Variants in LRRC4C observed in about 807,000 individuals in gnomAD.
The protein encoded by LRRC4C is leucine-rich repeat-containing protein 4C.
LRRC4C carries 5 observed loss-of-function variants against 33.6 expected under a neutral mutation model. The ratio of observed to expected loss-of-function variants is 0.15; its 90% CI spans 0.08 to 0.31. LRRC4C has a LOEUF of 0.31. Ranked by LOEUF, LRRC4C falls within the 10% of genes least tolerant of loss-of-function variation. The pLI is 1.00. For synonymous variants in LRRC4C, 329 were observed against 302.0 expected (o/e 1.09, Z -0.93); for missense variants, 560 against 796.7 (o/e 0.70, Z 3.58).
intron 1 of LRRC4C, among the ~76,000 whole-genome samples, chr11:41,075,046 G>A (rs1231329384): frequency 1.9e-5 from 1 of 52,706 alleles, no homozygotes. Context: ...TATTTTTAAT[G>A]TTTTTTTTTT....
intron 3 of LRRC4C, among the ~76,000 whole-genome samples, chr11:40,320,231 C>T (rs1482900784): frequency 2.6e-5 from 4 of 152,094 alleles, no homozygotes; most frequent in Non-Finnish European, 2.9e-5. Flanking sequence ...AATGGCCGGG[C>T]GCGGTGGCTC....
At chr11:40,768,249 C>A (rs1019418626) in intron 2 of LRRC4C, among the ~76,000 whole-genome samples, 1 of 151,902 alleles carries the variant, frequency 6.6e-6, no homozygotes, top group Non-Finnish European at 1.5e-5. Flanking sequence ...CCCATACAAC[C>A]TACCAAGAGA....
chr11:40,873,911 T>C (rs1313312590), intron 2 of LRRC4C, among the ~76,000 whole-genome samples: 1 of 152,318 alleles, frequency 6.6e-6, no homozygotes, highest in Non-Finnish European at 1.5e-5. Context: ...CATCATTGAA[T>C]AGGATATTTG....
At chr11:40,845,882 A>G (rs1023822579) in intron 2 of LRRC4C, among the ~76,000 whole-genome samples, 2 of 152,168 alleles carry the variant, frequency 1.3e-5, no homozygotes, top group Non-Finnish European at 2.9e-5. Flanking sequence ...TCTAACTGGC[A>G]TGAGATGGTA....
At chr11:41,118,717 T>C (rs888689200) in intron 1 of LRRC4C, among the ~76,000 whole-genome samples, 1 of 152,172 alleles carries the variant, frequency 6.6e-6, no homozygotes, top group Non-Finnish European at 1.5e-5. Context: ...CTTCCTTTTG[T>C]TATGGCAAGA....
intron 5 of LRRC4C, among the ~76,000 whole-genome samples, chr11:40,171,315 G>A (rs563890562): frequency 2.0e-5 from 3 of 152,124 alleles, no homozygotes; most frequent in East Asian, 1.9e-4. Context: ...ATAAAATCAC[G>A]CTTCAGCATT....
intron 3 of LRRC4C, among the ~76,000 whole-genome samples, chr11:40,452,508 G>A (rs1374783005): frequency 2.6e-5 from 4 of 152,126 alleles, no homozygotes; most frequent in Non-Finnish European, 4.4e-5. Flanking sequence ...TTAGAATGGT[G>A]ATCATTAAAA....
At chr11:41,320,986 T>C (rs747307513) in intron 1 of LRRC4C, among the ~76,000 whole-genome samples, 2 of 152,190 alleles carry the variant, frequency 1.3e-5, no homozygotes, top group Non-Finnish European at 2.9e-5. Context: ...TGGGTCTTTT[T>C]ACAATATTGC....
intron 2 of LRRC4C, among the ~76,000 whole-genome samples, chr11:40,665,029 G>T (rs1464307247): frequency 6.6e-6 from 1 of 150,442 alleles, no homozygotes; most frequent in African/African-American, 2.5e-5. Context: ...GCGGTGTTTG[G>T]TTTTTTGTCC....
rs149930901 is a variant in LRRC4C at position 41,265,156 on chromosome 11, G to A, written c.-496+194275C>T. 3.3e-5 allele frequency among the ~76,000 whole-genome samples: 5 copies of A among 152,180 alleles called. No homozygotes were observed. In the East Asian group the frequency reaches 9.7e-4, roughly 29 times the overall value. On this transcript the variant is annotated intron_variant, in intron 1 of 6. Coordinates refer to ENST00000528697, the MANE Select transcript of LRRC4C (RefSeq NM_001258419.2). ...ACACCTTAAAGTAGGAATGAACATG[G>A]CATTATTTTAATGGCTAGCATGTTA...
intron 5 of LRRC4C, among the ~76,000 whole-genome samples, chr11:40,233,644 A>G (rs1865357958): frequency 6.6e-6 from 1 of 152,212 alleles, no homozygotes; most frequent in South Asian, 2.1e-4. Context: ...AGCTTCCTAT[A>G]TCATAGTCTA....
chr11:40,220,397 C>T (rs1475716041), intron 5 of LRRC4C, among the ~76,000 whole-genome samples: 1 of 152,116 alleles, frequency 6.6e-6, no homozygotes, highest in East Asian at 1.9e-4. Flanking sequence ...GGCCATCAGT[C>T]AATCTATTTG....
At chr11:40,396,231 T>C (rs1949535547) in intron 3 of LRRC4C, among the ~76,000 whole-genome samples, 1 of 152,070 alleles carries the variant, frequency 6.6e-6, no homozygotes, top group African/African-American at 2.4e-5. Context: ...TTTCTGTTTT[T>C]TATTATTTTT....
intron 1 of LRRC4C, among the ~76,000 whole-genome samples, chr11:40,983,739 A>T (rs748366216): frequency 1.3e-5 from 2 of 152,242 alleles, no homozygotes; most frequent in Non-Finnish European, 2.9e-5. Flanking sequence ...AGTGTATGAA[A>T]AAAAGCCCAA....
chr11:40,765,933 A>C (rs1949428427), intron 2 of LRRC4C, among the ~76,000 whole-genome samples: 1 of 152,096 alleles, frequency 6.6e-6, no homozygotes, highest in African/African-American at 2.4e-5. Flanking sequence ...ATAACAAAAA[A>C]ATTCCCAAAC....
At chr11:40,486,490 T>C (rs1478837824) in intron 3 of LRRC4C, among the ~76,000 whole-genome samples, 2 of 152,052 alleles carry the variant, frequency 1.3e-5, no homozygotes. Context: ...GGCTTAACTA[T>C]GATTGGTTCT....
intron 3 of LRRC4C, among the ~76,000 whole-genome samples, chr11:40,434,480 G>A (rs1951062253): frequency 6.6e-6 from 1 of 152,146 alleles, no homozygotes; most frequent in Non-Finnish European, 1.5e-5. Context: ...CAAGACACAC[G>A]ACTGCTCAGT....
At chr11:40,896,355 A>G (rs923558777) in intron 2 of LRRC4C, among the ~76,000 whole-genome samples, 2 of 152,198 alleles carry the variant, frequency 1.3e-5, no homozygotes, top group Non-Finnish European at 2.9e-5. Flanking sequence ...CTTGAAATAT[A>G]TCATTTCCAG....
intron 1 of LRRC4C, among the ~76,000 whole-genome samples, chr11:41,314,963 G>T (rs545874477): frequency 1.3e-5 from 2 of 152,038 alleles, no homozygotes; most frequent in South Asian, 4.2e-4. Context: ...TGCCATAACT[G>T]GACTGATCTT....
Sources: gnomAD v4.1 joint callset for allele counts (sites outside exome capture counted in the v4.1 genomes callset) on GRCh38, gnomAD v4.1.1 for gene constraint, MANE v1.5 for transcripts, NCBI Gene and HGNC (gene_info 2026-07-23, HGNC 2026-07-21) for gene names.